Variants in GATAD2B observed in about 807,000 individuals in gnomAD.
GATAD2B encodes the protein GATA zinc finger domain containing 2B.
In GATAD2B, 8 loss-of-function variants were observed where a neutral mutation model predicts 64.3. The observed-to-expected ratio is 0.12, with a 90% CI of 0.07 to 0.22. The LOEUF is 0.22. Ranked by LOEUF, GATAD2B falls within the 10% of genes least tolerant of loss-of-function variation. The pLI, the probability that GATAD2B is intolerant of heterozygous loss-of-function variation, is 1.00. For missense variants in GATAD2B, 453 were observed against 752.0 expected (o/e 0.60, Z 4.65); for synonymous variants, 281 against 271.3 (o/e 1.04, Z -0.35).
intron 1 of GATAD2B, among the ~76,000 whole-genome samples, chr1:153,841,398 A>C (rs1261252628): frequency 6.6e-6 from 1 of 152,118 alleles, no homozygotes; most frequent in Non-Finnish European, 1.5e-5. Flanking sequence ...CCATCACCTC[A>C]AGGAGCCCTC....
rs531497463 is a variant in GATAD2B at position 153,860,420 on chromosome 1, G to C, written c.-1-32072C>G. On this transcript the variant is annotated intron_variant, in intron 1 of 10. Coordinates refer to ENST00000368655, the MANE Select transcript of GATAD2B (RefSeq NM_020699.4). Reference sequence around the variant, plus strand: ...TGCAATCAAAACTTCCTGTAACCTTGAACTCCTAGGGTTAGGCAATCCTCC... The same window carrying C: ...TGCAATCAAAACTTCCTGTAACCTTCAACTCCTAGGGTTAGGCAATCCTCC... Among the ~76,000 whole-genome samples the C allele has an allele frequency of 2.0e-5, 3 of 150,824 alleles. No individual in the cohort carries two copies. In the South Asian group the frequency reaches 6.3e-4, roughly 32 times the overall value.
In GATAD2B at chr1:153,817,551, G is replaced by A. The variant is rs755912048; in HGVS notation, c.730-9C>T. On this transcript the variant is annotated splice_polypyrimidine_tract_variant and intron_variant, in intron 5 of 10. Coordinates refer to ENST00000368655, the MANE Select transcript of GATAD2B (RefSeq NM_020699.4). ...CGGATGACACTGTGACCCTGGAGGGGAAGAAGAGGAAAAGAACTAATCACA... is the reference window on the plus strand; with the variant it reads ...CGGATGACACTGTGACCCTGGAGGGAAAGAAGAGGAAAAGAACTAATCACA... The A allele has an allele frequency of 4.4e-6, 7 of 1,573,986 alleles. No individual in the cohort carries two copies. The South Asian group carries it at 8.3e-5, about 19-fold the overall frequency.
At chr1:153,810,439 G>C in intron 10 of GATAD2B, 129 bp from the exon 11 acceptor site, 1 of 855,784 alleles carries the variant, frequency 1.2e-6, no homozygotes, top group Admixed American at 2.8e-5. Context: ...GGTCACACTT[G>C]GTTAGCTTTA....
At chr1:153,861,793 A>T (rs189965644) in intron 1 of GATAD2B, among the ~76,000 whole-genome samples, 3,022 of 81,746 alleles carry the variant, frequency 0.037, 101 homozygotes, top group South Asian at 0.055. Context: ...AAAAAAAAAA[A>T]AAATATATAT....
At chr1:153,840,223 G>A (rs1165026084) in intron 1 of GATAD2B, among the ~76,000 whole-genome samples, 3 of 150,352 alleles carry the variant, frequency 2.0e-5, no homozygotes, top group Admixed American at 6.7e-5. Context: ...TAGTAGAGAC[G>A]GGGGTTTCAC....
chr1:153,912,383 G>A (rs1678133047), intron 1 of GATAD2B, among the ~76,000 whole-genome samples: 2 of 145,862 alleles, frequency 1.4e-5, no homozygotes, highest in Non-Finnish European at 3.1e-5. Flanking sequence ...TATACACTCA[G>A]GTGAGAAACT....
At chr1:153,818,005 C>A in intron 5 of GATAD2B, 35 bp downstream of exon 5, 1 of 1,545,654 alleles carries the variant, frequency 6.5e-7, no homozygotes, top group Non-Finnish European at 8.7e-7. Context: ...TAGACACGGC[C>A]CTCCAACACT....
intron 1 of GATAD2B, among the ~76,000 whole-genome samples, chr1:153,872,069 G>A (rs538917674): frequency 3.3e-5 from 5 of 152,198 alleles, no homozygotes; most frequent in South Asian, 4.1e-4. Context: ...TGTAATCCCA[G>A]CACTTTGAGA....
intron 1 of GATAD2B, among the ~76,000 whole-genome samples, chr1:153,917,182 T>A (rs1219443703): frequency 6.8e-6 from 1 of 147,116 alleles, no homozygotes; most frequent in Non-Finnish European, 1.5e-5. Context: ...CACTGCAACC[T>A]CCACCTCCTG....
chr1:153,816,456 C>T lies in GATAD2B; in HGVS notation c.1033G>A (p.Ala345Thr). 6.2e-7 allele frequency: 1 copy of T among 1,614,184 alleles called. No homozygotes were observed. The highest frequency in any genetic ancestry group is 8.5e-7 in the Non-Finnish European group (1 of 1,179,996). Residue 345 changes from alanine (A) to threonine (T), a missense_variant, in exon 7 of 11, where the codon GCT becomes ACT. Ala to Thr is a moderately conservative substitution (Grantham distance 58, BLOSUM62 0). Coordinates refer to ENST00000368655, the MANE Select transcript of GATAD2B (RefSeq NM_020699.4). The surrounding 1 kb of genome is among the most constrained non-coding windows in gnomAD (Gnocchi z 4.9). The part of the protein sequence containing the change: ...PLPSPSAMTD[A>T]ANSQAAAKLA... Reference sequence around the variant, plus strand: ...TTGGCTGCAGCCTGTGAGTTGGCAGCATCAGTCATGGCGCTGGGGCTAGGA... The same window carrying T: ...TTGGCTGCAGCCTGTGAGTTGGCAGTATCAGTCATGGCGCTGGGGCTAGGA...
intron 1 of GATAD2B, among the ~76,000 whole-genome samples, chr1:153,868,931 G>C (rs1676566572): frequency 6.6e-6 from 1 of 151,868 alleles, no homozygotes; most frequent in African/African-American, 2.4e-5. Context: ...ACGAAGCCAA[G>C]ATACTTAGAA....
At chr1:153,869,118 C>G (rs1247499363) in intron 1 of GATAD2B, among the ~76,000 whole-genome samples, 1 of 152,138 alleles carries the variant, frequency 6.6e-6, no homozygotes, top group South Asian at 2.1e-4. Context: ...CATGGTGAAA[C>G]CCCCTCTCTA....
chr1:153,898,004 CAAAA>C (rs60650122), intron 1 of GATAD2B, among the ~76,000 whole-genome samples: 1 of 131,396 alleles, frequency 7.6e-6, no homozygotes, highest in African/African-American at 2.8e-5. Context: ...AAAAAAAAAA[CAAAA>C]AAAAAAAAAC....
At chr1:153,817,343 T>C (rs1420887915) in intron 6 of GATAD2B, 29 bp downstream of exon 6, 5 of 1,484,302 alleles carry the variant, frequency 3.4e-6, no homozygotes, top group Non-Finnish European at 4.5e-6. Context: ...ATTTCTCTGT[T>C]TCCACATTAG....
chr1:153,828,951 T>C (rs550368097), intron 1 of GATAD2B, among the ~76,000 whole-genome samples: 6 of 152,188 alleles, frequency 3.9e-5, no homozygotes, highest in Non-Finnish European at 8.8e-5. Context: ...CAACTTGTAT[T>C]GTCAGCTCCT....
intron 1 of GATAD2B, among the ~76,000 whole-genome samples, chr1:153,865,847 G>C (rs1282377652): frequency 6.6e-6 from 1 of 152,134 alleles, no homozygotes; most frequent in Non-Finnish European, 1.5e-5. Context: ...TCTCAACGGG[G>C]TGCAGTGGCA....
At chr1:153,861,848 A>G (rs1434786581) in intron 1 of GATAD2B, among the ~76,000 whole-genome samples, 1 of 144,864 alleles carries the variant, frequency 6.9e-6, no homozygotes, top group Non-Finnish European at 1.5e-5. Context: ...ATATGTATGT[A>G]CGTATATGTA....
At chr1:153,898,441 C>G (rs1001742229) in intron 1 of GATAD2B, among the ~76,000 whole-genome samples, 4 of 152,062 alleles carry the variant, frequency 2.6e-5, no homozygotes, top group African/African-American at 9.7e-5. Context: ...AGATTCCAAT[C>G]TTGGCTGGGC....
At chr1:153,815,106 A>C (rs1355508066) in intron 7 of GATAD2B, among the ~76,000 whole-genome samples, 2 of 143,990 alleles carry the variant, frequency 1.4e-5, no homozygotes, top group South Asian at 2.2e-4. Flanking sequence ...AAAAAAAAAA[A>C]AAAAAACCAA....
Sources: gnomAD v4.1 joint callset for allele counts (sites outside exome capture counted in the v4.1 genomes callset) on GRCh38, gnomAD v4.1.1 for gene constraint, Gnocchi (gnomAD v3.1) non-coding constraint, MANE v1.5 for transcripts, NCBI Gene and HGNC (gene_info 2026-07-23, HGNC 2026-07-21) for gene names.